NDST1: variants seen among roughly 807,000 people sequenced by gnomAD.
NDST1 encodes the protein bifunctional heparan sulfate N-deacetylase/N-sulfotransferase 1.
In NDST1, 35 loss-of-function variants were observed where a neutral mutation model predicts 92.8. That is an observed-to-expected ratio of 0.38 (90% confidence interval 0.29 to 0.50). NDST1 has a LOEUF of 0.50. NDST1 is among the 20% of genes least tolerant of loss of function. The probability of loss-of-function intolerance (pLI) is 0.94; values close to 1 mark genes in which losing one functional copy is unlikely to be tolerated. For synonymous variants in NDST1, 493 were observed against 500.3 expected (o/e 0.99, Z 0.19); for missense variants, 822 against 1,182.7 (o/e 0.69, Z 4.47).
At chr5:150,523,608 G>C (rs1400812652) in intron 2 of NDST1, among the ~76,000 whole-genome samples, 1 of 152,236 alleles carries the variant, frequency 6.6e-6, no homozygotes, top group African/African-American at 2.4e-5. Flanking sequence ...ACGATGTGAT[G>C]AGTCCAGGAG....
At chr5:150,541,512 G>A (rs909782071) in intron 8 of NDST1, 58 bp from the exon 9 acceptor site, 3 of 1,441,312 alleles carry the variant, frequency 2.1e-6, no homozygotes, top group Non-Finnish European at 2.9e-6. Flanking sequence ...CATGTGCAGT[G>A]GGAGTCCACT....
intron 1 of NDST1, among the ~76,000 whole-genome samples, chr5:150,518,381 C>T (rs991170782): frequency 3.3e-5 from 5 of 152,004 alleles, no homozygotes; most frequent in African/African-American, 1.2e-4. Context: ...GGTACTGGCA[C>T]TGAAATGTAG....
chr5:150,546,888 G>T (rs1221237848), intron 11 of NDST1, among the ~76,000 whole-genome samples: 1 of 152,220 alleles, frequency 6.6e-6, no homozygotes, highest in South Asian at 2.1e-4. Flanking sequence ...GAAGAAAACC[G>T]AGAAACACTT....
At chr5:150,544,220 C>T (rs150153966) in intron 10 of NDST1, among the ~76,000 whole-genome samples, 13 of 152,326 alleles carry the variant, frequency 8.5e-5, no homozygotes, top group African/African-American at 1.4e-4. Flanking sequence ...TTCAGCGACA[C>T]CTGGGGCAGC....
chr5:150,539,895 G>T (rs1755167451), intron 7 of NDST1, 187 bp from the exon 8 acceptor site: 1 of 801,858 alleles, frequency 1.2e-6, no homozygotes, highest in South Asian at 5.7e-5. Context: ...TTTGGGGTCA[G>T]TCAGGCCTGG....
At chr5:150,542,776 G>C in intron 9 of NDST1, 72 bp from the exon 10 acceptor site, 1 of 1,607,850 alleles carries the variant, frequency 6.2e-7, no homozygotes. Context: ...TGGGGAGCTA[G>C]GCCCAGAACC....
intron 10 of NDST1, 47 bp from the exon 11 acceptor site, chr5:150,545,265 C>G: frequency 6.2e-7 from 1 of 1,608,768 alleles, no homozygotes; most frequent in Non-Finnish European, 8.5e-7. Context: ...CCTTAGCCCC[C>G]TCCTCATGAG....
chr5:150,530,173 C>T (rs1754657671), intron 3 of NDST1, among the ~76,000 whole-genome samples: 1 of 152,184 alleles, frequency 6.6e-6, no homozygotes, highest in Non-Finnish European at 1.5e-5. Context: ...GTTTTGGTGC[C>T]AGGCTCAGCC....
intron 11 of NDST1, among the ~76,000 whole-genome samples, chr5:150,547,417 T>G (rs1039686421): frequency 6.6e-6 from 1 of 152,210 alleles, no homozygotes; most frequent in East Asian, 1.9e-4. Context: ...TGGGGGATAG[T>G]GCCTGTCGCA....
At chr5:150,525,320 C>A (rs976463537) in intron 2 of NDST1, among the ~76,000 whole-genome samples, 17 of 152,208 alleles carry the variant, frequency 1.1e-4, no homozygotes, top group Non-Finnish European at 2.2e-4. Context: ...ACTGAGCCTC[C>A]AGCACCTGGC....
At position 150,540,091 on chromosome 5, in the gene NDST1, T is replaced by A; in HGVS notation, c.1576T>A (p.Phe526Ile). Residue 526 changes from phenylalanine (F) to isoleucine (I), a missense_variant, in exon 8 of 15, where the codon TTC becomes ATC. Physicochemically the swap from Phe to Ile is conservative, Grantham distance 21. Transcript: ENST00000261797. The part of the protein sequence containing the change: ...LTVLLNPISI[F>I]MTHLSNYGND... The stretch of plus-strand genomic sequence containing the variant: ...CCCTCCCCTGGAGCAGATCAGCATC[T>A]TCATGACGCACCTGTCCAACTATGG... 1 of 1,614,192 alleles carries A rather than the reference T, an allele frequency of 6.2e-7. No individual in the cohort carries two copies. Among genetic ancestry groups the A allele is most frequent in the Non-Finnish European group, 8.5e-7 (1 of 1,180,032 alleles).
At position 150,554,040 on chromosome 5, in the gene NDST1, C is replaced by T. The variant is rs1755819105; in HGVS notation, c.*708C>T. 2.4e-6 allele frequency: 1 copy of T among 408,270 alleles called. No individual in the cohort carries two copies. Among genetic ancestry groups the T allele is most frequent in the Admixed American group, 4.0e-5 (1 of 25,240 alleles). The allele number at this position is 408,270 out of a possible 1,614,324, so 25.3% of individuals were successfully genotyped here. A position where few individuals can be genotyped will look rare whatever the true frequency, so the allele number is the denominator to read the frequency against. ...CCCCACCTGCACCCCTTTCTTCCCC[C>T]TGGGATATGATGTGTGGTGTTTCCT... On this transcript the variant is annotated 3_prime_UTR_variant, in exon 15 of 15. Transcript: ENST00000261797.
intron 1 of NDST1, among the ~76,000 whole-genome samples, chr5:150,513,802 C>G (rs997226162): frequency 6.6e-6 from 1 of 152,222 alleles, no homozygotes; most frequent in African/African-American, 2.4e-5. Context: ...GTAAGAAGGC[C>G]CTTGTACCTC....
intron 11 of NDST1, among the ~76,000 whole-genome samples, chr5:150,546,810 T>C (rs1394119251): frequency 1.3e-5 from 2 of 152,278 alleles, no homozygotes; most frequent in Non-Finnish European, 2.9e-5. Context: ...AAGCCCCTTC[T>C]TACTCTTGTT....
intron 6 of NDST1, among the ~76,000 whole-genome samples, chr5:150,537,168 T>C (rs1755031335): frequency 6.6e-6 from 1 of 152,238 alleles, no homozygotes; most frequent in Non-Finnish European, 1.5e-5. Flanking sequence ...ATGAATGTCG[T>C]CTCAGGACCC....
In NDST1 at chr5:150,556,869, CTA is replaced by C. The variant is rs1755880599; in HGVS notation, c.*3539_*3540del. The stretch of plus-strand genomic sequence containing the variant: ...ACGGTGCACACATTGCATTTTCTAA[CTA>C]TGTTTTTAAAACCTCTTTGAATGCT... On this transcript the variant is annotated 3_prime_UTR_variant, in exon 15 of 15. Transcript: ENST00000261797. 6.5e-6 allele frequency: 1 copy of C among 152,672 alleles called. No individual in the cohort carries two copies. The highest frequency in any genetic ancestry group is 2.4e-5 in the African/African-American group (1 of 41,462). 9.5% of individuals were successfully genotyped at this position (152,672 alleles called of 1,614,324 possible). A position where few individuals can be genotyped will look rare whatever the true frequency, so the allele number is the denominator to read the frequency against.
intron 7 of NDST1, 91 bp from the exon 8 acceptor site, chr5:150,539,991 G>A (rs1561604204): frequency 6.6e-7 from 1 of 1,509,830 alleles, no homozygotes; most frequent in Non-Finnish European, 9.2e-7. Context: ...AGCCTTGCAA[G>A]CTAAGGCAGG....
chr5:150,502,954 C>T (rs1442569067), intron 1 of NDST1, among the ~76,000 whole-genome samples: 1 of 152,060 alleles, frequency 6.6e-6, no homozygotes, highest in East Asian at 1.9e-4. Context: ...TTGAGGAGGC[C>T]ACATGGCACA....
chr5:150,526,519 G>A (rs185715110), intron 2 of NDST1, among the ~76,000 whole-genome samples: 1 of 152,312 alleles, frequency 6.6e-6, no homozygotes, highest in Admixed American at 6.5e-5. Context: ...ATTGAATTGT[G>A]TGTGTTCCTG....
Sources: allele counts gnomAD v4.1 joint callset (sites outside exome capture counted in the v4.1 genomes callset), GRCh38; gene constraint gnomAD v4.1.1; transcripts MANE v1.5; gene names NCBI Gene and HGNC (gene_info 2026-07-23, HGNC 2026-07-21).